The following UPK3BL2 variants were observed in gnomAD, a reference collection of about 807,000 sequenced individuals.
UPK3BL2 encodes uroplakin 3B like 2.
UPK3BL2 carries 1 observed loss-of-function variant against 11.3 expected under a neutral mutation model. That is an observed-to-expected ratio of 0.09 (90% CI 0.03 to 0.42). The LOEUF (loss-of-function observed/expected upper bound fraction) is 0.42. UPK3BL2 is among the 10% of genes least tolerant of loss of function. The pLI, the probability that UPK3BL2 is intolerant of heterozygous loss-of-function variation, is 0.98.
chr7:102,540,873 A>AAAAAAAAACAC (rs1800234622), intron 3 of UPK3BL2, among the ~76,000 whole-genome samples: 1 of 126,992 alleles, frequency 7.9e-6, no homozygotes, highest in Non-Finnish European at 1.7e-5. Flanking sequence ...AAAAAAAAAA[A>AAAAAAAAACAC]AAAGAAGAAA....
At chr7:102,543,112 C>G (rs1302813449) in intron 1 of UPK3BL2, among the ~76,000 whole-genome samples, 2 of 149,212 alleles carry the variant, frequency 1.3e-5, no homozygotes, top group Non-Finnish European at 3.0e-5. Context: ...TATCTCTCAG[C>G]CTGTCCAGTT....
chr7:102,541,696 G>T, intron 1 of UPK3BL2, 34 bp from the exon 2 acceptor site: 1 of 1,548,344 alleles, frequency 6.5e-7, no homozygotes, highest in African/African-American at 1.4e-5. Flanking sequence ...GAGGCCAAAT[G>T]GGGCAACCAA....
At chr7:102,538,354 C>A, downstream of UPK3BL2, 1 of 280,202 alleles carries the variant, frequency 3.6e-6, no homozygotes, top group Non-Finnish European at 6.4e-6. Flanking sequence ...CGTGTCCCAG[C>A]TCAGGCTCTG....
intron 3 of UPK3BL2, among the ~76,000 whole-genome samples, chr7:102,540,890 A>C (rs1800242909): frequency 7.8e-6 from 1 of 127,894 alleles, no homozygotes; most frequent in African/African-American, 2.9e-5. Context: ...GAAAAGGAAA[A>C]AAAAAAAAAA....
At chr7:102,540,855 C>CAA (rs1158192702) in intron 3 of UPK3BL2, among the ~76,000 whole-genome samples, 9,261 of 61,192 alleles carry the variant, frequency 0.15, 273 homozygotes, top group Non-Finnish European at 0.19. Flanking sequence ...AAAAACAAAA[C>CAA]AAAAAAAAAA....
At chr7:102,540,864 AAAAAAAAAAAAAGAAGAAAAGG>A (rs1800232187) in intron 3 of UPK3BL2, among the ~76,000 whole-genome samples, 49 of 130,704 alleles carry the variant, frequency 3.7e-4, no homozygotes, top group Non-Finnish European at 4.8e-4. Context: ...ACAAAAAAAA[AAAAAAAAAAAAAGAAGAAAAGG>A]AAAAAAAAAA....
downstream of UPK3BL2, chr7:102,538,317 C>G (rs1800151687): frequency 3.0e-6 from 1 of 327,876 alleles, no homozygotes; most frequent in Non-Finnish European, 5.5e-6. Context: ...AAGAAACAAT[C>G]TCTCTCAGGG....
chr7:102,540,790 G>C (rs1384801094), intron 3 of UPK3BL2, among the ~76,000 whole-genome samples: 4 of 146,806 alleles, frequency 2.7e-5, no homozygotes, highest in Non-Finnish European at 6.0e-5. Context: ...GTTGCAGTGA[G>C]CCGAGATCAC....
At chr7:102,543,057 C>T (rs111709228) in intron 1 of UPK3BL2, among the ~76,000 whole-genome samples, 9,348 of 120,674 alleles carry the variant, frequency 0.077, 3 homozygotes, top group Middle Eastern at 0.12. Context: ...AAAAGAGAAG[C>T]GGAGCAGTCA....
intron 3 of UPK3BL2, 100 bp from the exon 4 acceptor site, chr7:102,540,191 G>A: frequency 5.2e-6 from 4 of 772,572 alleles, no homozygotes; most frequent in Admixed American, 6.2e-5. Flanking sequence ...CCAGGCCCTG[G>A]CGAGAGCAGC....
intron 3 of UPK3BL2, among the ~76,000 whole-genome samples, chr7:102,540,850 CAAAACAAAAAA>C (rs1800224300): frequency 1.6e-5 from 1 of 60,674 alleles, no homozygotes; most frequent in Non-Finnish European, 3.8e-5. Context: ...TCTCAAAAAA[CAAAACAAAAAA>C]AAAAAAAAAA....
chr7:102,540,855 C>CAAAAAAAAACAAAAAAAAAAAAAA (rs1800227070), intron 3 of UPK3BL2, among the ~76,000 whole-genome samples: 2 of 61,228 alleles, frequency 3.3e-5, no homozygotes, highest in African/African-American at 9.6e-5. Context: ...AAAAACAAAA[C>CAAAAAAAAACAAAAAAAAAAAAAA]AAAAAAAAAA....
At chr7:102,542,456 C>T (rs1403419721) in intron 1 of UPK3BL2, 1 of 984,602 alleles carries the variant, frequency 1.0e-6, no homozygotes, top group Non-Finnish European at 1.2e-6. Context: ...GCTCAGACCT[C>T]CCCAACCCCA....
chr7:102,540,877 G>GGAAAAAAAAA (rs1800237326), intron 3 of UPK3BL2, among the ~76,000 whole-genome samples: 1 of 68,312 alleles, frequency 1.5e-5, no homozygotes. Context: ...AAAAAAAAAA[G>GGAAAAAAAAA]AAGAAAAGGA....
At chr7:102,541,711 CA>C in intron 1 of UPK3BL2, 49 bp from the exon 2 acceptor site, 1 of 1,543,252 alleles carries the variant, frequency 6.5e-7, no homozygotes, top group Non-Finnish European at 8.8e-7. Flanking sequence ...AACCAAGCCC[CA>C]ACAGCTCTGG....
chr7:102,540,855 C>CAAAA lies in UPK3BL2; in HGVS notation c.485+234_485+237dup, dbSNP rs1158192702. On this transcript the variant is annotated intron_variant, in intron 3 of 5. Coordinates refer to ENST00000644544, the Ensembl canonical transcript of UPK3BL2. Reference sequence around the variant, plus strand: ...CAAGACTCCATCTCAAAAAACAAAACAAAAAAAAAAAAAAAAAAAAAGAAG... The same window carrying CAAAA: ...CAAGACTCCATCTCAAAAAACAAAACAAAAAAAAAAAAAAAAAAAAAAAAAGAAG... Among the ~76,000 whole-genome samples, 219 of 61,240 alleles carry CAAAA rather than the reference C, an allele frequency of 3.6e-3. 1 individual carries two copies. The highest frequency in any genetic ancestry group is 0.011 in the Middle Eastern group (1 of 90). 40.2% of individuals were successfully genotyped at this position (61,240 alleles called of 152,430 possible). A position where few individuals can be genotyped will look rare whatever the true frequency, so the allele number is the denominator to read the frequency against.
chr7:102,542,702 TAG>T (rs1342607770), intron 1 of UPK3BL2: 1 of 945,394 alleles, frequency 1.1e-6, no homozygotes, highest in African/African-American at 1.8e-5. Flanking sequence ...ACGTAATGTT[TAG>T]AAAGAGAAGT....
At chr7:102,542,691 C>T (rs1395477862) in intron 1 of UPK3BL2, 7 of 946,498 alleles carry the variant, frequency 7.4e-6, no homozygotes. Flanking sequence ...GTGCAGGAGG[C>T]ACGTAATGTT....
chr7:102,540,855 CAAAAAAAAAAAAAAAAAAAAAGAAGAA>C (rs1415890312), intron 3 of UPK3BL2, among the ~76,000 whole-genome samples: 1 of 61,266 alleles, frequency 1.6e-5, no homozygotes, highest in African/African-American at 4.8e-5. Context: ...AAAAACAAAA[CAAAAAAAAAAAAAAAAAAAAAGAAGAA>C]AAGGAAAAAA....
Sources: allele counts gnomAD v4.1 joint callset (sites outside exome capture counted in the v4.1 genomes callset), GRCh38; gene constraint gnomAD v4.1.1; transcripts MANE v1.5; gene names NCBI Gene and HGNC (gene_info 2026-07-23, HGNC 2026-07-21).